Variants in EPS15 observed in about 807,000 individuals in gnomAD.
EPS15 encodes epidermal growth factor receptor pathway substrate 15.
In EPS15, 72 loss-of-function variants were observed where a neutral mutation model predicts 113.8. That is an observed-to-expected ratio of 0.63 (90% confidence interval 0.52 to 0.77). The LOEUF is 0.77. Ranked by LOEUF, EPS15 falls within the 30% of genes least tolerant of loss-of-function variation. The pLI, the probability that EPS15 is intolerant of heterozygous loss-of-function variation, is 0.00. For missense variants in EPS15, 1,048 were observed against 1,045.8 expected (o/e 1.00, Z -0.03); for synonymous variants, 344 against 363.4 (o/e 0.95, Z 0.61).
At chr1:51,449,691 T>A (rs1301966195) in intron 8 of EPS15, among the ~76,000 whole-genome samples, 1 of 151,188 alleles carries the variant, frequency 6.6e-6, no homozygotes, top group South Asian at 2.1e-4. Flanking sequence ...GAAGACAGAG[T>A]TATTACTCAA....
chr1:51,408,090 A>G, intron 15 of EPS15, 45 bp downstream of exon 15: 2 of 1,509,674 alleles, frequency 1.3e-6, no homozygotes, highest in Non-Finnish European at 1.8e-6. Flanking sequence ...ACTAAAGGAC[A>G]CAGAGGATCC....
intron 1 of EPS15, among the ~76,000 whole-genome samples, chr1:51,502,446 T>C (rs1644429417): frequency 6.6e-6 from 1 of 152,188 alleles, no homozygotes; most frequent in Admixed American, 6.5e-5. Context: ...GAAAAGGATG[T>C]CCACTCTTGC....
intron 1 of EPS15, among the ~76,000 whole-genome samples, chr1:51,511,000 T>C (rs1339664972): frequency 6.6e-6 from 1 of 150,848 alleles, no homozygotes; most frequent in African/African-American, 2.4e-5. Flanking sequence ...ACCCCGTCTC[T>C]ACTAAAAACA....
At chr1:51,379,555 G>A (rs893081185) in intron 21 of EPS15, among the ~76,000 whole-genome samples, 11 of 152,204 alleles carry the variant, frequency 7.2e-5, no homozygotes, top group African/African-American at 2.7e-4. Context: ...ACAAACAAGA[G>A]AGAAATTAAG....
chr1:51,402,492 T>C lies in EPS15; in HGVS notation c.1825A>G (p.Thr609Ala), dbSNP rs772950261. ...DPFNVDSSSL[T>A]GPVADTNLDF... ...AAGTTTGTATCTGCAACTGGACCTG[T>C]CAGCGAACTTGAGTCTACATTAAAT... The change falls in exon 18 of 25, where the codon ACA becomes GCA. Residue 609 changes from threonine to alanine, a missense_variant. Physicochemically the swap from Thr to Ala is moderately conservative, Grantham distance 58 (BLOSUM62 0). Coordinates refer to ENST00000371733, the MANE Select transcript of EPS15 (RefSeq NM_001981.3). 5.0e-6 allele frequency: 8 copies of C among 1,587,380 alleles called. No individual in the cohort carries two copies. The highest frequency in any genetic ancestry group is 4.0e-5 in the African/African-American group (3 of 74,230).
intron 2 of EPS15, among the ~76,000 whole-genome samples, chr1:51,479,731 G>A (rs1643985607): frequency 6.6e-6 from 1 of 152,204 alleles, no homozygotes; most frequent in Non-Finnish European, 1.5e-5. Context: ...AGCCAATTGT[G>A]TAAAACAAGG....
At position 51,422,343 on chromosome 1, in the gene EPS15, A is replaced by G. The variant is rs572198577; in HGVS notation, c.1041-485T>C. ...TCCCCTTAAATCACTGGTGTGCATC[A>G]ATTTTAGAATGAAACAACAGAGAAA... is the stretch of plus-strand genomic sequence containing the variant. On this transcript the variant is annotated intron_variant, in intron 12 of 24. Transcript: ENST00000371733. Among the ~76,000 whole-genome samples, 7 of 152,342 alleles carry G rather than the reference A, an allele frequency of 4.6e-5. No homozygotes were observed. The East Asian group carries it at 1.2e-3, about 25-fold the overall frequency.
intron 1 of EPS15, among the ~76,000 whole-genome samples, chr1:51,516,009 T>C (rs1173015001): frequency 6.6e-6 from 1 of 152,214 alleles, no homozygotes; most frequent in Non-Finnish European, 1.5e-5. Context: ...GGAAACTTTT[T>C]TTTTTTAAGT....
At chr1:51,383,575 A>G (rs1646989417) in intron 21 of EPS15, among the ~76,000 whole-genome samples, 1 of 152,214 alleles carries the variant, frequency 6.6e-6, no homozygotes, top group Non-Finnish European at 1.5e-5. Flanking sequence ...TGAGAATCTA[A>G]TGCTGCTGCT....
chr1:51,365,330 C>T (rs1385203273), intron 22 of EPS15, among the ~76,000 whole-genome samples: 3 of 152,162 alleles, frequency 2.0e-5, no homozygotes, highest in African/African-American at 2.4e-5. Context: ...CATCTCTATC[C>T]ACTAGATGTA....
At position 51,452,733 on chromosome 1, in the gene EPS15, T is replaced by A. The variant is rs80103564; in HGVS notation, c.562-4598A>T. Reference sequence around the variant, plus strand: ...TACAAAGCTCTTGTTTTTTCCAAATTTGATCAGCTTTATTAGCAGCACATA... The same window carrying A: ...TACAAAGCTCTTGTTTTTTCCAAATATGATCAGCTTTATTAGCAGCACATA... On this transcript the variant is annotated intron_variant, in intron 8 of 24. Coordinates refer to ENST00000371733, the MANE Select transcript of EPS15 (RefSeq NM_001981.3). Among the ~76,000 whole-genome samples the A allele has an allele frequency of 5.4e-3, 827 of 152,326 alleles. 6 individuals are homozygous for A. Among genetic ancestry groups the A allele is most frequent in the Middle Eastern group, 0.01 (3 of 294 alleles).
chr1:51,443,303 G>GAA (rs879388739), intron 11 of EPS15, among the ~76,000 whole-genome samples: 7 of 132,392 alleles, frequency 5.3e-5, no homozygotes, highest in Admixed American at 4.5e-4. Context: ...GAAGAAGGCA[G>GAA]AAAAAAAAAA....
chr1:51,426,772 G>C (rs1651228797), intron 12 of EPS15, among the ~76,000 whole-genome samples: 1 of 150,234 alleles, frequency 6.7e-6, no homozygotes, highest in African/African-American at 2.5e-5. Flanking sequence ...AGAGATGTCG[G>C]ACTTGCCAGC....
intron 1 of EPS15, among the ~76,000 whole-genome samples, chr1:51,483,398 AGTGTGT>A (rs58892404): frequency 0.05 from 7,032 of 141,744 alleles, 178 homozygotes; most frequent in Middle Eastern, 0.12. Flanking sequence ...CAAGACTGCA[AGTGTGT>A]GTGTGTGTGT....
In EPS15 at chr1:51,460,149, G is replaced by C. The variant is rs142575365; in HGVS notation, c.561+942C>G. 5.4e-3 allele frequency among the ~76,000 whole-genome samples: 830 copies of C among 152,304 alleles called. 12 individuals are homozygous for C. Among genetic ancestry groups the C allele is most frequent in the African/African-American group, 0.019 (796 of 41,586 alleles). On this transcript the variant is annotated intron_variant, in intron 8 of 24. Coordinates refer to ENST00000371733, the MANE Select transcript of EPS15 (RefSeq NM_001981.3). ...GAGTAAAGAGAACAACCACGAAAGAGAGTATCACAAATTTGTAGCAACAAG... is the reference window on the plus strand; with the variant it reads ...GAGTAAAGAGAACAACCACGAAAGACAGTATCACAAATTTGTAGCAACAAG...
intron 21 of EPS15, among the ~76,000 whole-genome samples, chr1:51,379,258 TACA>T (rs1646878174): frequency 6.6e-6 from 1 of 152,210 alleles, no homozygotes; most frequent in East Asian, 1.9e-4. Flanking sequence ...TAGCTAGGAC[TACA>T]GGCGCAAGCC....
rs780235600 is a variant in EPS15, at chr1:51,409,517, G to C, written c.1275+18C>G. Reference sequence around the variant, plus strand: ...ACTAATGTATAGGTGCAGGCAGCAGGAAACAGCCAGACATTACCAGTTGGG... The same window carrying C: ...ACTAATGTATAGGTGCAGGCAGCAGCAAACAGCCAGACATTACCAGTTGGG... On this transcript the variant is annotated intron_variant, in intron 14 of 24. Coordinates refer to ENST00000371733, the MANE Select transcript of EPS15 (RefSeq NM_001981.3). The C allele has an allele frequency of 1.3e-6, 2 of 1,596,592 alleles. No individual in the cohort carries two copies. The highest frequency in any genetic ancestry group is 1.7e-6 in the Non-Finnish European group (2 of 1,174,880).
At chr1:51,505,646 G>A (rs943563124) in intron 1 of EPS15, among the ~76,000 whole-genome samples, 4 of 151,714 alleles carry the variant, frequency 2.6e-5, no homozygotes, top group Non-Finnish European at 5.9e-5. Flanking sequence ...CACTTTATAG[G>A]GTAAGTTGTA....
intron 8 of EPS15, among the ~76,000 whole-genome samples, chr1:51,455,112 T>C (rs1225971318): frequency 6.6e-6 from 1 of 152,166 alleles, no homozygotes; most frequent in Non-Finnish European, 1.5e-5. Context: ...GGCCTTTTCT[T>C]TAAAATAAAA....
Sources: gnomAD v4.1 joint callset for allele counts (sites outside exome capture counted in the v4.1 genomes callset) on GRCh38, gnomAD v4.1.1 for gene constraint, MANE v1.5 for transcripts, NCBI Gene and HGNC (gene_info 2026-07-23, HGNC 2026-07-21) for gene names.